CRNN: variants seen among roughly 807,000 people sequenced by gnomAD.
CRNN encodes the protein cornulin, also known as 53 kDa putative calcium-binding protein.
CRNN carries 39 observed loss-of-function variants against 44.7 expected under a neutral mutation model. The observed-to-expected ratio is 0.87, with a 90% CI of 0.68 to 1.14. The LOEUF (loss-of-function observed/expected upper bound fraction) is 1.14. Ranked by LOEUF, CRNN falls within the 50% of genes most tolerant of loss-of-function variation. CRNN has a pLI of 0.00. For missense variants in CRNN, 606 were observed against 605.1 expected, an observed-to-expected ratio of 1.00 and a Z score of -0.02; for synonymous variants, 240 against 231.8, an observed-to-expected ratio of 1.04 and a Z score of -0.32.
rs1417312070 is a variant in CRNN at position 152,412,521 on chromosome 1, T to C, written c.-13-275A>G. On this transcript the variant is annotated intron_variant, in intron 1 of 2. Coordinates refer to ENST00000271835, the MANE Select transcript of CRNN (RefSeq NM_016190.3). ...TCTCCATGCCTCAGTTTACTACTCA[T>C]TGTAATTGAAGGTGATATTAGTACT... Among the ~76,000 whole-genome samples, 6 of 152,344 alleles carry C rather than the reference T, an allele frequency of 3.9e-5. No homozygotes were observed. In the East Asian group the frequency reaches 7.7e-4, roughly 20 times the overall value.
At position 152,409,506 on chromosome 1, in the gene CRNN, G is replaced by A. The variant is rs1280756207; in HGVS notation, c.*88C>T. 9.8e-6 allele frequency: 15 copies of A among 1,526,764 alleles called. No homozygotes were observed. In the East Asian group the frequency reaches 3.2e-4, roughly 32 times the overall value. 94.6% of individuals were successfully genotyped at this position (1,526,764 alleles called of 1,614,324 possible). A position where few individuals can be genotyped will look rare whatever the true frequency, so the allele number is the denominator to read the frequency against. ...CTGCATAATGAAGAGCTGATGTCCA[G>A]GGATGCACCCACTGGATTGGCCATG... is the stretch of plus-strand genomic sequence containing the variant. On this transcript the variant is annotated 3_prime_UTR_variant, in exon 3 of 3. Coordinates refer to ENST00000271835, the MANE Select transcript of CRNN (RefSeq NM_016190.3).
intron 1 of CRNN, among the ~76,000 whole-genome samples, chr1:152,412,839 G>A (rs1655811504): frequency 6.6e-6 from 1 of 152,054 alleles, no homozygotes; most frequent in Admixed American, 6.6e-5. Context: ...CAAATGCAAT[G>A]GGCTTTCTAG....
rs145184724 is a variant in CRNN at position 152,411,883 on chromosome 1, A to G, written c.138+213T>C. Among the ~76,000 whole-genome samples, 244 of 152,272 alleles carry G rather than the reference A, an allele frequency of 1.6e-3. 1 individual carries two copies. Among genetic ancestry groups the G allele is most frequent in the African/African-American group, 5.4e-3 (225 of 41,562 alleles). On this transcript the variant is annotated intron_variant, in intron 2 of 2. Coordinates refer to ENST00000271835, the MANE Select transcript of CRNN (RefSeq NM_016190.3). ...TGTCTTTAAGTTAGAATTAATTAAA[A>G]CCAAGGTTTTAATCTAAAGAGCCAG...
chr1:152,413,296 G>T (rs886664736), intron 1 of CRNN, among the ~76,000 whole-genome samples: 9 of 152,212 alleles, frequency 5.9e-5, no homozygotes. Context: ...GGGTTTGGTT[G>T]CATGAGCAAA....
chr1:152,411,037 C>T (rs1269543355), intron 2 of CRNN, 94 bp from the exon 3 acceptor site: 4 of 1,486,502 alleles, frequency 2.7e-6, no homozygotes, highest in African/African-American at 2.8e-5. Flanking sequence ...CTGCCTCAGA[C>T]CCCACACTAC....
At position 152,410,807 on chromosome 1, in the gene CRNN, C is replaced by G. The variant is rs1480335341; in HGVS notation, c.275G>C (p.Ser92Thr). ...AQACFKTLSE[S>T]AEGACGSQES... is the part of the protein sequence containing the mutation. ...TTGAGAGCCGCAGGCTCCCTCAGCA[C>G]TCTCGCTCAGTGTCTTGAAACAGGC... Residue 92 changes from serine to threonine, a missense_variant, in exon 3 of 3, where the codon AGT (serine) becomes ACT (threonine). By Grantham distance (58) the Ser-to-Thr change is moderately conservative. Coordinates refer to ENST00000271835, the MANE Select transcript of CRNN (RefSeq NM_016190.3). 5.6e-6 allele frequency: 9 copies of G among 1,614,264 alleles called. No homozygotes were observed. Among genetic ancestry groups the G allele is most frequent in the Non-Finnish European group, 7.6e-6 (9 of 1,180,050 alleles).
rs41267182 is a variant in CRNN, at chr1:152,410,539, C to A, written c.543G>T (p.Pro181=). The part of the protein sequence containing the change: ...AESQSQERIS[P]QIQLSGQTEQ... ...CTGTCTGCCCAGAGAGTTGTATCTG[C>A]GGGCTTATTCTTTCCTGGCTCTGGG... The change falls in exon 3 of 3, where the codon CCG becomes CCT. Residue 181 remains proline, a synonymous_variant. Coordinates refer to ENST00000271835, the MANE Select transcript of CRNN (RefSeq NM_016190.3). 6.2e-7 allele frequency: 1 copy of A among 1,614,164 alleles called. No individual in the cohort carries two copies. The highest frequency in any genetic ancestry group is 8.5e-7 in the Non-Finnish European group (1 of 1,180,038).
In CRNN at chr1:152,410,330, C is replaced by T. The variant is rs866624042; in HGVS notation, c.752G>A (p.Gly251Glu). The change falls in exon 3 of 3, where the codon GGA (glycine) becomes GAA (glutamate). Residue 251 changes from glycine (G) to glutamate (E), a missense_variant. Physicochemically the swap from Gly to Glu is moderately conservative, Grantham distance 98 (BLOSUM62 -2). Coordinates refer to ENST00000271835, the MANE Select transcript of CRNN (RefSeq NM_016190.3). Reference sequence around the variant, plus strand: ...CTCCTGTGTCTGCTTGCTGGTTCTTCCTGTCTGGTGGCTGCTGTCCTGCTC... The same window carrying T: ...CTCCTGTGTCTGCTTGCTGGTTCTTTCTGTCTGGTGGCTGCTGTCCTGCTC... Reference protein sequence around the residue: ...TVEQDSSHQTGRTSKQTQEAT... With the variant: ...TVEQDSSHQTERTSKQTQEAT... 6.2e-7 allele frequency: 1 copy of T among 1,614,086 alleles called. No individual in the cohort carries two copies. Among genetic ancestry groups the T allele is most frequent in the Non-Finnish European group, 8.5e-7 (1 of 1,180,030 alleles).
At chr1:152,411,634 T>C (rs1469281588) in intron 2 of CRNN, among the ~76,000 whole-genome samples, 1 of 152,196 alleles carries the variant, frequency 6.6e-6, no homozygotes, top group Admixed American at 6.5e-5. Flanking sequence ...AAATTTCATT[T>C]CTGATGTGAT....
chr1:152,412,333 T>G (rs994238835), intron 1 of CRNN, 87 bp from the exon 2 acceptor site: 19 of 1,334,742 alleles, frequency 1.4e-5, no homozygotes, highest in Non-Finnish European at 2.0e-5. Flanking sequence ...GGTCTTTCCT[T>G]GCACGTTCAG....
intron 2 of CRNN, among the ~76,000 whole-genome samples, chr1:152,411,631 A>G (rs1383742062): frequency 1.3e-5 from 2 of 152,042 alleles, no homozygotes; most frequent in Non-Finnish European, 2.9e-5. Flanking sequence ...TCAAAATTTC[A>G]TTTCTGATGT....
rs2101704156 is a variant in CRNN at position 152,409,445 on chromosome 1, A to C, written c.*149T>G. 1 of 1,390,790 alleles carries C rather than the reference A, an allele frequency of 7.2e-7. No individual in the cohort carries two copies. Among genetic ancestry groups the C allele is most frequent in the East Asian group, 2.5e-5 (1 of 40,710 alleles). 86.2% of individuals were successfully genotyped at this position (1,390,790 alleles called of 1,614,324 possible). ...GAGTTCAGGATAGAAAGCTCCTTGC[A>C]GAAATTATCTCATTGAGAAAGACCT... is the stretch of plus-strand genomic sequence containing the variant. On this transcript the variant is annotated 3_prime_UTR_variant, in exon 3 of 3. Coordinates refer to ENST00000271835, the MANE Select transcript of CRNN (RefSeq NM_016190.3).
At position 152,410,449 on chromosome 1, in the gene CRNN, C is replaced by CTG; in HGVS notation, c.631_632dup (p.Gln211HisfsTer18). 1 of 1,614,186 alleles carries CTG rather than the reference C, an allele frequency of 6.2e-7. No homozygotes were observed. The highest frequency in any genetic ancestry group is 8.5e-7 in the Non-Finnish European group (1 of 1,180,030). ...CTCTGTCCTGTTCCCTGGTCTGTGG[C>CTG]TGTCTCTCTGGCCTCATCTCTGTTG... On this transcript the variant is annotated frameshift_variant, in exon 3 of 3. Transcript: ENST00000271835. LOFTEE classifies it high-confidence loss of function.
At position 152,412,111 on chromosome 1, in the gene CRNN, A is replaced by T. The variant is rs1179195002; in HGVS notation, c.123T>A (p.Phe41Leu). 6.2e-7 allele frequency: 1 copy of T among 1,608,444 alleles called. No individual in the cohort carries two copies. The highest frequency in any genetic ancestry group is 1.1e-5 in the South Asian group (1 of 90,790). The part of the protein sequence containing the change: ...GELKRLLEQE[F>L]ADVIVKPHDP... ...CACACCGTACCACAATCACATCGGC[A>T]AACTCTTGCTCCAAGAGTCTTTTCA... is the stretch of plus-strand genomic sequence containing the variant. Residue 41 changes from phenylalanine (F) to leucine (L), a missense_variant, in exon 2 of 3, where the codon TTT (phenylalanine) becomes TTA (leucine). Physicochemically the swap from Phe to Leu is conservative, Grantham distance 22. Coordinates refer to ENST00000271835, the MANE Select transcript of CRNN (RefSeq NM_016190.3).
chr1:152,410,087 C>T lies in CRNN; in HGVS notation c.995G>A (p.Gly332Asp). ...NGQNRGTEIH[G>D]QGRSQTSQAV... ...CTGGCTGGTCTGGCTCCTGCCTTGA[C>T]CGTGGATCTCAGTCCCTCTGTTCTG... is the stretch of plus-strand genomic sequence containing the variant. Residue 332 changes from glycine (G) to aspartate (D), a missense_variant, in exon 3 of 3, where the codon GGT becomes GAT. Coordinates refer to ENST00000271835, the MANE Select transcript of CRNN (RefSeq NM_016190.3). 2 of 1,613,922 alleles carry T rather than the reference C, an allele frequency of 1.2e-6. No individual in the cohort carries two copies. Among genetic ancestry groups the T allele is most frequent in the Middle Eastern group, 1.7e-4 (1 of 6,060 alleles).
At position 152,409,527 on chromosome 1, in the gene CRNN, C is replaced by A. The variant is rs1267330196; in HGVS notation, c.*67G>T. The A allele has an allele frequency of 6.5e-7, 1 of 1,544,250 alleles. No homozygotes were observed. The highest frequency in any genetic ancestry group is 2.0e-4 in the Middle Eastern group (1 of 5,106). On this transcript the variant is annotated 3_prime_UTR_variant, in exon 3 of 3. Transcript: ENST00000271835. The stretch of plus-strand genomic sequence containing the variant: ...TCCAGGGATGCACCCACTGGATTGG[C>A]CATGCAGGACAAGCCAAACTCTCTC...
chr1:152,411,756 G>C (rs957901804), intron 2 of CRNN, among the ~76,000 whole-genome samples: 3 of 152,144 alleles, frequency 2.0e-5, no homozygotes, highest in African/African-American at 7.2e-5. Flanking sequence ...AATATTTACT[G>C]TATCAAATTT....
intron 2 of CRNN, among the ~76,000 whole-genome samples, chr1:152,411,682 G>A (rs897377752): frequency 6.6e-6 from 1 of 152,154 alleles, no homozygotes; most frequent in Admixed American, 6.5e-5. Flanking sequence ...CTTCGTGCAA[G>A]CCCAGAGCTA....
At chr1:152,413,757 T>A (rs1422169812) in intron 1 of CRNN, among the ~76,000 whole-genome samples, 1 of 152,100 alleles carries the variant, frequency 6.6e-6, no homozygotes, top group Non-Finnish European at 1.5e-5. Flanking sequence ...CATTTTAGAT[T>A]CCTTAGAAAA....
Sources: gnomAD v4.1 joint callset for allele counts (sites outside exome capture counted in the v4.1 genomes callset) on GRCh38, gnomAD v4.1.1 for gene constraint, MANE v1.5 for transcripts, NCBI Gene and HGNC (gene_info 2026-07-23, HGNC 2026-07-21) for gene names.